DHX34: variants seen among roughly 807,000 people sequenced by gnomAD.
The protein encoded by DHX34 is probable ATP-dependent RNA helicase DHX34.
A neutral mutation model predicts 111.1 loss-of-function variants in DHX34; 96 were observed. That is an observed-to-expected ratio of 0.86 (90% CI 0.73 to 1.02). DHX34 has a LOEUF of 1.02. Ranked by LOEUF, DHX34 falls within the 50% of genes least tolerant of loss-of-function variation. DHX34 has a pLI of 0.00. For missense variants in DHX34, 1,560 were observed against 1,579.9 expected, an observed-to-expected ratio of 0.99 and a Z score of 0.21; for synonymous variants, 688 against 670.4, an observed-to-expected ratio of 1.03 and a Z score of -0.41.
intron 8 of DHX34, chr19:47,373,342 CTGA>C: frequency 2.2e-6 from 1 of 446,830 alleles, no homozygotes; most frequent in Non-Finnish European, 3.0e-6. Flanking sequence ...AGACAGACCA[CTGA>C]TGTGACAGTG....
intron 12 of DHX34, 104 bp from the exon 13 acceptor site, chr19:47,376,996 A>G (rs1270138769): frequency 1.6e-5 from 26 of 1,583,014 alleles, no homozygotes; most frequent in Non-Finnish European, 2.1e-5. Context: ...TGCCGTAAGC[A>G]TACTCTTTCT....
At chr19:47,359,045 C>T (rs1290099674) in intron 4 of DHX34, among the ~76,000 whole-genome samples, 1 of 152,190 alleles carries the variant, frequency 6.6e-6, no homozygotes, top group Non-Finnish European at 1.5e-5. Context: ...CAGCAGATCC[C>T]TCTGGCTGCC....
At position 47,376,728 on chromosome 19, in the gene DHX34, G is replaced by A. The variant is rs551951011; in HGVS notation, c.2599+168G>A. On this transcript the variant is annotated intron_variant, in intron 12 of 16. Coordinates refer to ENST00000328771, the MANE Select transcript of DHX34 (RefSeq NM_014681.6). ...GCCAGGCCTCCCTGGGTAGCCTTGGGTGACTCACCCCTGCTGGGCCTCACC... is the reference window on the plus strand; with the variant it reads ...GCCAGGCCTCCCTGGGTAGCCTTGGATGACTCACCCCTGCTGGGCCTCACC... 113 of 1,426,676 alleles carry A rather than the reference G, an allele frequency of 7.9e-5. No homozygotes were observed. The African/African-American group carries it at 1.5e-3, about 19-fold the overall frequency. 88.4% of individuals were successfully genotyped at this position (1,426,676 alleles called of 1,614,324 possible). A position where few individuals can be genotyped will look rare whatever the true frequency, so the allele number is the denominator to read the frequency against.
chr19:47,376,741 G>C (rs1478505466), intron 12 of DHX34, 181 bp downstream of exon 12: 1 of 1,434,974 alleles, frequency 7.0e-7, no homozygotes, highest in African/African-American at 1.4e-5. Flanking sequence ...ACTCACCCCT[G>C]CTGGGCCTCA....
At position 47,352,838 on chromosome 19, in the gene DHX34, G is replaced by T; in HGVS notation, c.-193G>T. The T allele has an allele frequency of 8.4e-7, 1 of 1,192,514 alleles. No homozygotes were observed. The highest frequency in any genetic ancestry group is 1.1e-6 in the Non-Finnish European group (1 of 882,594). 73.9% of individuals were successfully genotyped at this position (1,192,514 alleles called of 1,614,324 possible). A position where few individuals can be genotyped will look rare whatever the true frequency, so the allele number is the denominator to read the frequency against. ...TCATGAGGTACCCTTTGTGTCACCA[G>T]CTCAAGCAGGCCTCTGGCCACTTTA... is the stretch of plus-strand genomic sequence containing the variant. On this transcript the variant is annotated 5_prime_UTR_variant, in exon 2 of 17. Coordinates refer to ENST00000328771, the MANE Select transcript of DHX34 (RefSeq NM_014681.6).
At chr19:47,369,343 T>C (rs989713374) in intron 7 of DHX34, among the ~76,000 whole-genome samples, 2 of 152,214 alleles carry the variant, frequency 1.3e-5, no homozygotes, top group African/African-American at 4.8e-5. Context: ...GGTTTCACCA[T>C]GTCGGCCGTG....
chr19:47,358,804 C>T (rs2463092), intron 4 of DHX34, among the ~76,000 whole-genome samples: 15,102 of 152,070 alleles, frequency 0.099, 1,037 homozygotes, highest in African/African-American at 0.19. Flanking sequence ...TGAGTAGAGA[C>T]GGGGTTTCGC....
intron 7 of DHX34, among the ~76,000 whole-genome samples, chr19:47,370,012 G>A (rs1335384502): frequency 1.3e-5 from 2 of 152,094 alleles, no homozygotes; most frequent in African/African-American, 4.8e-5. Flanking sequence ...AATCTTGAGG[G>A]ATTTGGGGCC....
chr19:47,372,135 C>T (rs1199536677), intron 7 of DHX34, among the ~76,000 whole-genome samples: 1 of 151,788 alleles, frequency 6.6e-6, no homozygotes, highest in East Asian at 1.9e-4. Context: ...CCTCCCCTTT[C>T]CCTACCTCTC....
intron 9 of DHX34, 111 bp downstream of exon 9, chr19:47,373,811 C>A: frequency 7.6e-7 from 1 of 1,316,116 alleles, no homozygotes; most frequent in Non-Finnish European, 1.0e-6. Context: ...GAATCCCACC[C>A]TGCACCCACC....
At position 47,372,819 on chromosome 19, in the gene DHX34, C is replaced by G; in HGVS notation, c.1858C>G (p.Arg620Gly). The change falls in exon 8 of 17, where the codon CGC becomes GGC. Residue 620 changes from arginine (R) to glycine (G), a missense_variant. Coordinates refer to ENST00000328771, the MANE Select transcript of DHX34 (RefSeq NM_014681.6). ...AALSVQSPFTRSAQSSPECAA... is the reference protein window; with the variant it reads ...AALSVQSPFTGSAQSSPECAA... The stretch of plus-strand genomic sequence containing the variant: ...ACTTAGCGTCCAGTCGCCCTTCACC[C>G]GCAGCGCCCAGAGCAGCCCAGAGTG... The G allele has an allele frequency of 6.2e-7, 1 of 1,613,094 alleles. No homozygotes were observed. The highest frequency in any genetic ancestry group is 8.5e-7 in the Non-Finnish European group (1 of 1,179,830).
At chr19:47,372,579 G>C (rs1969996673) in intron 7 of DHX34, 151 bp from the exon 8 acceptor site, 2 of 1,393,106 alleles carry the variant, frequency 1.4e-6, no homozygotes, top group Non-Finnish European at 9.3e-7. Context: ...GCGTGGGTTT[G>C]AATCTCCATC....
intron 4 of DHX34, 54 bp downstream of exon 4, chr19:47,358,174 G>A: frequency 6.4e-7 from 1 of 1,570,708 alleles, no homozygotes; most frequent in Non-Finnish European, 8.7e-7. Flanking sequence ...AGTCAGGGGT[G>A]GCTGCGCACA....
chr19:47,373,019 A>C, intron 8 of DHX34, 96 bp downstream of exon 8: 1 of 1,410,120 alleles, frequency 7.1e-7, no homozygotes, highest in Non-Finnish European at 9.3e-7. Flanking sequence ...CCTCAGCCCC[A>C]CCCTGGGAGG....
rs199562453 is a variant in DHX34 at position 47,382,083 on chromosome 19, G to A, written c.3402G>A (p.Glu1134=). ...CGKDFLFTPT[E]VLRHRKQHV ...AGGACTTCCTCTTTACACCCACAGA[G>A]GTGCTGCGCCACCGGAAGCAGCACG... Residue 1134 remains glutamate (E), a synonymous_variant, in exon 17 of 17, where the codon GAG becomes GAA. Transcript: ENST00000328771. 219 of 1,613,928 alleles carry A rather than the reference G, an allele frequency of 1.4e-4. No homozygotes were observed. Among genetic ancestry groups the A allele is most frequent in the Non-Finnish European group, 1.6e-4 (183 of 1,180,014 alleles).
chr19:47,375,921 C>T lies in DHX34; in HGVS notation c.2308-3C>T, dbSNP rs373105659. 15 of 1,600,992 alleles carry T rather than the reference C, an allele frequency of 9.4e-6. No individual in the cohort carries two copies. The highest frequency in any genetic ancestry group is 1.1e-5 in the South Asian group (1 of 89,900). On this transcript the variant is annotated splice_region_variant and splice_polypyrimidine_tract_variant and intron_variant, in intron 10 of 16. Transcript: ENST00000328771. Reference sequence around the variant, plus strand: ...AGACTCTGCCTCCCCGTGCTCCCCCCAGGATGTGAAGTTCAAGCTTCGGCA... The same window carrying T: ...AGACTCTGCCTCCCCGTGCTCCCCCTAGGATGTGAAGTTCAAGCTTCGGCA...
chr19:47,354,499 G>A (rs2122218439), intron 2 of DHX34, among the ~76,000 whole-genome samples: 1 of 152,268 alleles, frequency 6.6e-6, no homozygotes, highest in Non-Finnish European at 1.5e-5. Flanking sequence ...TTGTCACATG[G>A]AATTCTCACA....
intron 6 of DHX34, among the ~76,000 whole-genome samples, chr19:47,363,050 A>T (rs1239873580): frequency 1.3e-5 from 2 of 152,068 alleles, no homozygotes; most frequent in East Asian, 3.9e-4. Context: ...TCCCAGGTTT[A>T]AGTGATTCTC....
chr19:47,381,540 C>A (rs1239557613), intron 16 of DHX34: 6 of 651,952 alleles, frequency 9.2e-6, no homozygotes, highest in Non-Finnish European at 1.5e-5. Context: ...TGCCTGTCCC[C>A]TGTGGTGTCT....
Sources: gnomAD v4.1 joint callset for allele counts (sites outside exome capture counted in the v4.1 genomes callset) on GRCh38, gnomAD v4.1.1 for gene constraint, MANE v1.5 for transcripts, NCBI Gene and HGNC (gene_info 2026-07-23, HGNC 2026-07-21) for gene names.